ABCC4: variants seen among roughly 807,000 people sequenced by gnomAD.
The protein encoded by ABCC4 is ATP-binding cassette sub-family C member 4.
A neutral mutation model predicts 168.5 loss-of-function variants in ABCC4; 102 were observed. The ratio of observed to expected loss-of-function variants is 0.61; its 90% CI spans 0.52 to 0.71. ABCC4 has a LOEUF of 0.71. Ranked by LOEUF, ABCC4 falls within the 30% of genes least tolerant of loss-of-function variation. The probability of loss-of-function intolerance (pLI) is 0.00; values close to 1 mark genes in which losing one functional copy is unlikely to be tolerated. For synonymous variants in ABCC4, 617 were observed against 590.7 expected (o/e 1.04, Z -0.65); for missense variants, 1,402 against 1,605.8 (o/e 0.87, Z 2.17).
At chr13:95,273,816 G>GGTT (rs1555340101) in intron 1 of ABCC4, among the ~76,000 whole-genome samples, 17 of 98,630 alleles carry the variant, frequency 1.7e-4, no homozygotes, top group Middle Eastern at 4.6e-3. Context: ...TTTTTGGTTT[G>GGTT]TTTTTTTTTT....
At chr13:95,090,628 C>T (rs2034401970) in intron 20 of ABCC4, among the ~76,000 whole-genome samples, 1 of 152,182 alleles carries the variant, frequency 6.6e-6, no homozygotes, top group South Asian at 2.1e-4. Context: ...ATCTGAACAA[C>T]AGCCTTCAGC....
intron 1 of ABCC4, among the ~76,000 whole-genome samples, chr13:95,283,056 A>T (rs950423380): frequency 6.6e-6 from 1 of 151,442 alleles, no homozygotes; most frequent in African/African-American, 2.4e-5. Flanking sequence ...CTCTACTAAA[A>T]ATACAAAAAA....
chr13:95,093,116 A>G (rs1008164745), intron 20 of ABCC4, among the ~76,000 whole-genome samples: 1 of 152,206 alleles, frequency 6.6e-6, no homozygotes, highest in Non-Finnish European at 1.5e-5. Flanking sequence ...CAGACATTCA[A>G]AGAAGAATTG....
intron 20 of ABCC4, among the ~76,000 whole-genome samples, chr13:95,109,395 C>CAA (rs2035124864): frequency 6.7e-6 from 1 of 150,120 alleles, no homozygotes; most frequent in African/African-American, 2.5e-5. Context: ...TGTGCAAACA[C>CAA]ACACACACAC....
Position 95,021,142 on chromosome 13 carries a change from A to C in ABCC4, c.*433T>G, listed in dbSNP as rs1458921066. 1.3e-5 allele frequency: 2 copies of C among 155,758 alleles called. No homozygotes were observed. The highest frequency in any genetic ancestry group is 2.8e-5 in the Non-Finnish European group (2 of 70,412). The allele number at this position is 155,758 out of a possible 1,614,324, so 9.6% of individuals were successfully genotyped here. A position where few individuals can be genotyped will look rare whatever the true frequency, so the allele number is the denominator to read the frequency against. ...AAATAATGGATCCTAGTTATGTCAA[A>C]GAAAACAATGAGACAAAATGGCAAC... On this transcript the variant is annotated 3_prime_UTR_variant, in exon 31 of 31. Coordinates refer to ENST00000645237, the MANE Select transcript of ABCC4 (RefSeq NM_005845.5).
intron 20 of ABCC4, among the ~76,000 whole-genome samples, chr13:95,097,019 T>C (rs115110143): frequency 0.014 from 2,162 of 152,310 alleles, 62 homozygotes; most frequent in African/African-American, 0.049. Context: ...ATAGCATATG[T>C]AGAAGTAAAC....
chr13:95,286,880 C>T (rs2041269350), intron 1 of ABCC4, among the ~76,000 whole-genome samples: 1 of 151,098 alleles, frequency 6.6e-6, no homozygotes, highest in Non-Finnish European at 1.5e-5. Flanking sequence ...TTGCTTGAAC[C>T]CCGAGGCAGA....
At chr13:95,091,167 A>C (rs2034421760) in intron 20 of ABCC4, among the ~76,000 whole-genome samples, 1 of 152,242 alleles carries the variant, frequency 6.6e-6, no homozygotes, top group East Asian at 1.9e-4. Flanking sequence ...ACCAAGCCTA[A>C]GAATAATCAG....
At chr13:95,214,263 T>G (rs1388583335) in intron 4 of ABCC4, among the ~76,000 whole-genome samples, 1 of 151,878 alleles carries the variant, frequency 6.6e-6, no homozygotes, top group African/African-American at 2.4e-5. Flanking sequence ...AAAAAAGAGT[T>G]AAGAAAAAGA....
intron 19 of ABCC4, among the ~76,000 whole-genome samples, chr13:95,141,482 A>G (rs972380577): frequency 2.6e-5 from 4 of 151,730 alleles, no homozygotes; most frequent in African/African-American, 9.7e-5. Context: ...AAAGCAGAGA[A>G]CAAAGAATGT....
chr13:95,024,944 G>A (rs1288860446), intron 30 of ABCC4, among the ~76,000 whole-genome samples: 1 of 151,994 alleles, frequency 6.6e-6, no homozygotes, highest in Non-Finnish European at 1.5e-5. Flanking sequence ...CAATGGGGCT[G>A]TGGCAAGGCT....
rs201193749 is a variant in ABCC4, at chr13:95,206,507, C to G, written c.1161+25G>C. On this transcript the variant is annotated intron_variant, in intron 8 of 30. Transcript: ENST00000645237. ...CATTCTACTTCAAATGCACCTACAA[C>G]TTTAAAATGGCATCTGACACCAACC... 225 of 1,607,670 alleles carry G rather than the reference C, an allele frequency of 1.4e-4. 1 individual carries two copies. Among genetic ancestry groups the G allele is most frequent in the African/African-American group, 1.3e-5 (1 of 74,826 alleles).
At chr13:95,245,893 A>T (rs1350272658) in intron 3 of ABCC4, among the ~76,000 whole-genome samples, 1 of 55,340 alleles carries the variant, frequency 1.8e-5, no homozygotes, top group Admixed American at 2.7e-4. Context: ...CACCCACCTC[A>T]TTCCCAACAA....
At chr13:95,025,239 A>C (rs1593956658) in intron 30 of ABCC4, among the ~76,000 whole-genome samples, 3 of 32,330 alleles carry the variant, frequency 9.3e-5, no homozygotes, top group Non-Finnish European at 1.0e-4. Flanking sequence ...ACACCCATAC[A>C]CACACACCCA....
chr13:95,134,341 C>T (rs1236437740), intron 19 of ABCC4, among the ~76,000 whole-genome samples: 1 of 152,082 alleles, frequency 6.6e-6, no homozygotes, highest in Admixed American at 6.5e-5. Context: ...AAGATAAATA[C>T]ATAACGGGAT....
At chr13:95,161,622 A>C in intron 18 of ABCC4, 1 of 193,534 alleles carries the variant, frequency 5.2e-6, no homozygotes, top group African/African-American at 2.3e-5. Flanking sequence ...AAAACTCAGA[A>C]GTAGGATAGA....
At chr13:95,272,462 C>T (rs2040870226) in intron 1 of ABCC4, among the ~76,000 whole-genome samples, 2 of 152,316 alleles carry the variant, frequency 1.3e-5, no homozygotes, top group African/African-American at 4.8e-5. Context: ...TACTTTCCAG[C>T]CCAGTTTCTG....
At chr13:95,285,289 A>T (rs28702918) in intron 1 of ABCC4, among the ~76,000 whole-genome samples, 9,685 of 151,674 alleles carry the variant, frequency 0.064, 429 homozygotes, top group East Asian at 0.12. Context: ...GGTAGCTTAC[A>T]CCTGTAATCC....
At chr13:95,105,457 T>C (rs1035666016) in intron 20 of ABCC4, among the ~76,000 whole-genome samples, 5 of 152,102 alleles carry the variant, frequency 3.3e-5, no homozygotes, top group Non-Finnish European at 1.5e-5. Context: ...GCAAGAAAAT[T>C]AAAGAATAAA....
Sources: gnomAD v4.1 joint callset for allele counts (sites outside exome capture counted in the v4.1 genomes callset) on GRCh38, gnomAD v4.1.1 for gene constraint, MANE v1.5 for transcripts, NCBI Gene and HGNC (gene_info 2026-07-23, HGNC 2026-07-21) for gene names.